Variants in TM7SF3 observed in about 807,000 individuals in gnomAD.
TM7SF3 encodes the protein seven span transmembrane protein.
In TM7SF3, 60 loss-of-function variants were observed where a neutral mutation model predicts 65.5. That is an observed-to-expected ratio of 0.92 (90% CI 0.74 to 1.14). The LOEUF is 1.14. Ranked by LOEUF, TM7SF3 falls within the 50% of genes most tolerant of loss-of-function variation. The probability of loss-of-function intolerance (pLI) is 0.00; values close to 1 mark genes in which losing one functional copy is unlikely to be tolerated. For missense variants in TM7SF3, 623 were observed against 684.8 expected, an observed-to-expected ratio of 0.91 and a Z score of 1.01; for synonymous variants, 264 against 259.6, an observed-to-expected ratio of 1.02 and a Z score of -0.16.
intron 7 of TM7SF3, among the ~76,000 whole-genome samples, chr12:26,981,976 G>A (rs962869752): frequency 4.0e-5 from 6 of 151,874 alleles, no homozygotes; most frequent in Admixed American, 2.6e-4. Context: ...TGATTCATGT[G>A]AAACCAAGTC....
At chr12:27,005,352 G>A (rs1044166583) in intron 1 of TM7SF3, among the ~76,000 whole-genome samples, 2 of 152,022 alleles carry the variant, frequency 1.3e-5, no homozygotes, top group Admixed American at 6.6e-5. Context: ...ATATTTATAA[G>A]GTACTCATGG....
intron 5 of TM7SF3, among the ~76,000 whole-genome samples, chr12:26,992,027 T>C (rs368630733): frequency 1.3e-5 from 2 of 152,212 alleles, no homozygotes; most frequent in South Asian, 2.1e-4. Flanking sequence ...TCTCAGATGA[T>C]GCCAATGCTA....
intron 10 of TM7SF3, 100 bp from the exon 11 acceptor site, chr12:26,975,758 T>C: frequency 7.6e-7 from 1 of 1,320,536 alleles, no homozygotes; most frequent in Non-Finnish European, 1.0e-6. Flanking sequence ...ATCTGCTCCC[T>C]CAGGCATGAA....
At chr12:26,985,822 T>TG (rs1940060250) in intron 6 of TM7SF3, among the ~76,000 whole-genome samples, 1 of 112,510 alleles carries the variant, frequency 8.9e-6, no homozygotes, top group Non-Finnish European at 1.8e-5. Flanking sequence ...TTTTTTTTTT[T>TG]TTTTTTTTTG....
At chr12:26,976,677 C>T (rs1939581727) in intron 9 of TM7SF3, among the ~76,000 whole-genome samples, 1 of 152,178 alleles carries the variant, frequency 6.6e-6, no homozygotes, top group South Asian at 2.1e-4. Flanking sequence ...GTTTCCTAAC[C>T]CTCAAAATGA....
intron 9 of TM7SF3, 124 bp downstream of exon 9, chr12:26,979,660 T>C (rs1491002025): frequency 9.2e-7 from 1 of 1,087,852 alleles, no homozygotes; most frequent in Non-Finnish European, 1.3e-6. Context: ...ACACCATCAA[T>C]GCAGATTTCC....
At chr12:26,998,014 T>TA (rs1313191543) in intron 3 of TM7SF3, among the ~76,000 whole-genome samples, 4 of 152,046 alleles carry the variant, frequency 2.6e-5, no homozygotes, top group African/African-American at 7.2e-5. Flanking sequence ...TTAGTAGAGA[T>TA]AGAGTTTCGC....
chr12:26,991,747 TA>T (rs1357283277), intron 5 of TM7SF3, among the ~76,000 whole-genome samples: 5 of 152,196 alleles, frequency 3.3e-5, no homozygotes, highest in African/African-American at 1.2e-4. Flanking sequence ...AATAACACAA[TA>T]AATAGACTAT....
chr12:26,983,230 T>C (rs1170662514), intron 6 of TM7SF3, among the ~76,000 whole-genome samples: 1 of 6,970 alleles, frequency 1.4e-4, no homozygotes, highest in Non-Finnish European at 2.7e-4. Flanking sequence ...TGGCAGGGAG[T>C]GGGGGGGAGG....
Position 27,003,390 on chromosome 12 carries a change from C to A in TM7SF3, c.92G>T (p.Gly31Val). 6.2e-7 allele frequency: 1 copy of A among 1,606,772 alleles called. No homozygotes were observed. Among genetic ancestry groups the A allele is most frequent in the Non-Finnish European group, 8.5e-7 (1 of 1,178,110 alleles). ...AAEVFGNSSE[G>V]LIEFSVGKFR... ...TTTCCCCACAGAAAATTCAATAAGA[C>A]CTACAACGAGATAAACTTTTCATTA... Residue 31 changes from glycine to valine, a missense_variant and splice_region_variant, in exon 2 of 12, where the codon GGT becomes GTT. By Grantham distance (109) the Gly-to-Val change is moderately radical. Transcript: ENST00000343028.
At position 26,990,449 on chromosome 12, in the gene TM7SF3, C is replaced by G; in HGVS notation, c.868+1G>C. 3 of 1,611,174 alleles carry G rather than the reference C, an allele frequency of 1.9e-6. No homozygotes were observed. Among genetic ancestry groups the G allele is most frequent in the Non-Finnish European group, 2.5e-6 (3 of 1,177,836 alleles). On this transcript the variant is annotated splice_donor_variant, in intron 6 of 11. Transcript: ENST00000343028. LOFTEE classifies it high-confidence loss of function. The stretch of plus-strand genomic sequence containing the variant: ...GTAAAAGTTTAAAGCCACATACTCA[C>G]CTAGGGAAGCACAACTACCCTCTCC...
intron 2 of TM7SF3, among the ~76,000 whole-genome samples, chr12:27,001,609 C>G (rs1388658): frequency 6.6e-6 from 1 of 151,928 alleles, no homozygotes; most frequent in Admixed American, 6.5e-5. Flanking sequence ...CAAATATAAA[C>G]CCTTATTTCA....
Position 26,976,377 on chromosome 12 carries a change from C to CTT in TM7SF3, c.1190-21_1190-20insAA. On this transcript the variant is annotated intron_variant, in intron 9 of 11. Transcript: ENST00000343028. ...GGTTTCCTGAAAAAGCAAAAAGAAACTAAGAGTAAACAACAGCTTTACCAA... is the reference window on the plus strand; with the variant it reads ...GGTTTCCTGAAAAAGCAAAAAGAAACTTTAAGAGTAAACAACAGCTTTACCAA... 1.9e-6 allele frequency: 3 copies of CTT among 1,554,876 alleles called. No homozygotes were observed. The highest frequency in any genetic ancestry group is 2.7e-6 in the Non-Finnish European group (3 of 1,127,214).
chr12:26,981,349 G>A (rs1939806032), intron 7 of TM7SF3, among the ~76,000 whole-genome samples: 1 of 152,098 alleles, frequency 6.6e-6, no homozygotes, highest in Non-Finnish European at 1.5e-5. Flanking sequence ...AACCCAGAGT[G>A]AGGCATGGTG....
At chr12:26,988,468 A>G (rs2136404747) in intron 6 of TM7SF3, among the ~76,000 whole-genome samples, 1 of 152,210 alleles carries the variant, frequency 6.6e-6, no homozygotes, top group African/African-American at 2.4e-5. Flanking sequence ...CCAGCCAAAA[A>G]TAATTTTTTT....
intron 3 of TM7SF3, among the ~76,000 whole-genome samples, chr12:26,997,823 C>CTTTTTTTTT (rs3071165): frequency 8.8e-6 from 1 of 114,062 alleles, no homozygotes; most frequent in African/African-American, 3.4e-5. Context: ...TTACCACTTC[C>CTTTTTTTTT]TTTTTTTTTT....
intron 8 of TM7SF3, 64 bp downstream of exon 8, chr12:26,980,502 G>C: frequency 1.2e-6 from 1 of 839,572 alleles, no homozygotes; most frequent in South Asian, 1.5e-5. Flanking sequence ...TAGAAGGAAA[G>C]GTGAAGTAAA....
chr12:26,980,244 C>G (rs1287112209), intron 8 of TM7SF3: 1 of 536,766 alleles, frequency 1.9e-6, no homozygotes, highest in African/African-American at 1.9e-5. Context: ...AGGGAGGTAT[C>G]TGTTTTCAGG....
intron 6 of TM7SF3, among the ~76,000 whole-genome samples, chr12:26,988,105 A>G (rs1940179049): frequency 1.3e-5 from 2 of 152,206 alleles, no homozygotes; most frequent in African/African-American, 2.4e-5. Context: ...ACAACTATAA[A>G]GAGACACATC....
Sources: allele counts gnomAD v4.1 joint callset (sites outside exome capture counted in the v4.1 genomes callset), GRCh38; gene constraint gnomAD v4.1.1; transcripts MANE v1.5; gene names NCBI Gene and HGNC (gene_info 2026-07-23, HGNC 2026-07-21).